The following SOX6 variants were observed in gnomAD, a reference collection of about 807,000 sequenced individuals.
SOX6 encodes SRY-box transcription factor 6.
In SOX6, 11 loss-of-function variants were observed where a neutral mutation model predicts 97.8. The observed-to-expected ratio is 0.11, with a 90% CI of 0.07 to 0.19. SOX6 has a LOEUF of 0.19. Among genes scored for constraint, SOX6 ranks in the 10% least tolerant of loss-of-function variants. The pLI is 1.00. For synonymous variants in SOX6, 360 were observed against 371.4 expected, an observed-to-expected ratio of 0.97 and a Z score of 0.35; for missense variants, 810 against 1,039.5, an observed-to-expected ratio of 0.78 and a Z score of 3.04.
At chr11:16,329,469 G>A (rs1189358767) in intron 2 of SOX6, among the ~76,000 whole-genome samples, 1 of 152,134 alleles carries the variant, frequency 6.6e-6, no homozygotes, top group Non-Finnish European at 1.5e-5. Flanking sequence ...TGAATTCCCT[G>A]TGCAAGAGAA....
chr11:16,691,887 T>C (rs1310613250), intron 3 of SOX6, among the ~76,000 whole-genome samples: 2 of 152,214 alleles, frequency 1.3e-5, no homozygotes, highest in African/African-American at 2.4e-5. Flanking sequence ...GGTTTTTCTA[T>C]GTATTTGTAA....
intron 15 of SOX6, among the ~76,000 whole-genome samples, chr11:15,975,884 A>G (rs1045815536): frequency 3.9e-5 from 6 of 152,186 alleles, no homozygotes; most frequent in Admixed American, 1.3e-4. Context: ...TGGGCTCCAC[A>G]TAGTTCAGAG....
chr11:16,198,881 CT>C (rs1851860427), intron 4 of SOX6, among the ~76,000 whole-genome samples: 1 of 152,188 alleles, frequency 6.6e-6, no homozygotes, highest in Non-Finnish European at 1.5e-5. Flanking sequence ...TCTAGTGCTA[CT>C]CATAATTCTA....
At chr11:16,351,346 C>T (rs1287868160) in intron 1 of SOX6, among the ~76,000 whole-genome samples, 2 of 152,084 alleles carry the variant, frequency 1.3e-5, no homozygotes, top group African/African-American at 4.8e-5. Flanking sequence ...TTTAATGTTT[C>T]TTATGCTCAT....
intron 3 of SOX6, among the ~76,000 whole-genome samples, chr11:16,678,694 T>C (rs1274403473): frequency 1.3e-5 from 2 of 152,154 alleles, no homozygotes; most frequent in Non-Finnish European, 2.9e-5. Flanking sequence ...TTCCCTTTCC[T>C]AGCTAAGGGA....
intron 1 of SOX6, among the ~76,000 whole-genome samples, chr11:16,464,534 A>C (rs1340809101): frequency 6.6e-6 from 1 of 152,036 alleles, no homozygotes; most frequent in Non-Finnish European, 1.5e-5. Flanking sequence ...TATTCATTAC[A>C]CTGTAAGTCA....
At chr11:16,384,527 C>G (rs1857919701) in intron 1 of SOX6, among the ~76,000 whole-genome samples, 1 of 151,634 alleles carries the variant, frequency 6.6e-6, no homozygotes, top group South Asian at 2.1e-4. Flanking sequence ...AAGCTTATAA[C>G]AAAAACCACA....
intron 1 of SOX6, among the ~76,000 whole-genome samples, chr11:16,430,768 C>T (rs1442735944): frequency 2.0e-5 from 3 of 152,186 alleles, no homozygotes; most frequent in Non-Finnish European, 4.4e-5. Flanking sequence ...GACTGAGACA[C>T]CTCCTAACTA....
rs927873332 is a variant in SOX6 at position 16,677,263 on chromosome 11, G to C, written n.429+37567C>G. Among the ~76,000 whole-genome samples the C allele has an allele frequency of 1.5e-4, 23 of 152,184 alleles. 1 individual carries two copies. Among genetic ancestry groups the C allele is most frequent in the Admixed American group, 9.2e-4 (14 of 15,274 alleles). ...CCACTTGTACTATGTACCTGTAGCT[G>C]GAATGTCAGCTGTCTTTAAAACCAC... On this transcript the variant is annotated intron_variant and non_coding_transcript_variant, in intron 3 of 5. Coordinates refer to the SOX6 transcript ENST00000524520.
intron 6 of SOX6, among the ~76,000 whole-genome samples, chr11:16,161,388 GTA>G (rs3059084): frequency 1.4e-4 from 21 of 146,820 alleles, no homozygotes; most frequent in South Asian, 2.1e-4. Context: ...ATATAGTCTT[GTA>G]TATATATATA....
intron 6 of SOX6, among the ~76,000 whole-genome samples, chr11:16,122,985 C>T (rs1460205672): frequency 6.6e-6 from 1 of 151,988 alleles, no homozygotes; most frequent in Admixed American, 6.6e-5. Context: ...TGTGGTCTAA[C>T]TTTAAAGTTC....
intron 1 of SOX6, among the ~76,000 whole-genome samples, chr11:16,425,800 C>T (rs1018540189): frequency 2.0e-5 from 3 of 152,048 alleles, no homozygotes; most frequent in Non-Finnish European, 4.4e-5. Flanking sequence ...AACCACTGCT[C>T]ACAGAAATCA....
intron 3 of SOX6, among the ~76,000 whole-genome samples, chr11:16,700,536 G>A (rs1235652112): frequency 1.3e-5 from 2 of 152,198 alleles, no homozygotes; most frequent in Non-Finnish European, 1.5e-5. Context: ...CCCGTGGACT[G>A]CATCATCTGG....
chr11:16,497,721 T>C (rs146234626), intron 4 of SOX6, among the ~76,000 whole-genome samples: 26,140 of 151,928 alleles, frequency 0.17, 2,266 homozygotes, highest in African/African-American at 0.19. Flanking sequence ...GAATCAGTGA[T>C]GGAAGATGAA....
At chr11:16,520,661 G>A (rs561414874) in intron 4 of SOX6, among the ~76,000 whole-genome samples, 26 of 152,348 alleles carry the variant, frequency 1.7e-4, no homozygotes, top group East Asian at 5.8e-4. Flanking sequence ...TGTGCGAGCC[G>A]AAGCAGGGCG....
chr11:16,118,684 G>A (rs894551814), intron 6 of SOX6, among the ~76,000 whole-genome samples: 2 of 152,222 alleles, frequency 1.3e-5, no homozygotes, highest in African/African-American at 2.4e-5. Flanking sequence ...ACTTGGCAGA[G>A]ACCTGGCTAT....
chr11:16,182,868 T>A (rs1321533879), intron 6 of SOX6, among the ~76,000 whole-genome samples: 2 of 151,712 alleles, frequency 1.3e-5, no homozygotes, highest in Admixed American at 6.6e-5. Flanking sequence ...ATCAATGAGA[T>A]AGAATATTGC....
intron 1 of SOX6, among the ~76,000 whole-genome samples, chr11:16,407,756 C>G (rs986930050): frequency 2.0e-5 from 3 of 152,124 alleles, no homozygotes; most frequent in Admixed American, 6.6e-5. Flanking sequence ...GTTGCCAAAG[C>G]TAGCACTAAC....
intron 1 of SOX6, among the ~76,000 whole-genome samples, chr11:16,470,067 G>T (rs2133114833): frequency 6.6e-6 from 1 of 152,246 alleles, no homozygotes; most frequent in Non-Finnish European, 1.5e-5. Context: ...GTAGCTGTGT[G>T]TATTAATGTA....
Sources: allele counts gnomAD v4.1 joint callset (sites outside exome capture counted in the v4.1 genomes callset), GRCh38; gene constraint gnomAD v4.1.1; transcripts MANE v1.5; gene names NCBI Gene and HGNC (gene_info 2026-07-23, HGNC 2026-07-21).